The following SFXN3 variants were observed in gnomAD, a reference collection of about 807,000 sequenced individuals.
SFXN3 encodes sideroflexin 3, also known as sideroflexin-3.
In SFXN3, 31 loss-of-function variants were observed where a neutral mutation model predicts 40.4. That is an observed-to-expected ratio of 0.77 (90% CI 0.58 to 1.04). The LOEUF is 1.04. Among genes scored for constraint, SFXN3 ranks in the 50% least tolerant of loss-of-function variants. SFXN3 has a pLI of 0.00. For missense variants in SFXN3, 366 were observed against 408.2 expected (o/e 0.90, Z 0.89); for synonymous variants, 157 against 160.0 (o/e 0.98, Z 0.14).
chr10:101,033,687 C>T (rs1433545543), intron 2 of SFXN3, among the ~76,000 whole-genome samples: 2 of 152,106 alleles, frequency 1.3e-5, no homozygotes, highest in African/African-American at 2.4e-5. Flanking sequence ...GCACCGGCAC[C>T]GGTCTCTGAG....
At chr10:101,038,038 G>A (rs973086142) in intron 9 of SFXN3, 16 of 257,198 alleles carry the variant, frequency 6.2e-5, no homozygotes, top group Non-Finnish European at 1.0e-4. Context: ...AGCAATGGGG[G>A]TAGTGTAATT....
At chr10:101,032,780 G>A (rs1938361818) in intron 2 of SFXN3, among the ~76,000 whole-genome samples, 1 of 152,198 alleles carries the variant, frequency 6.6e-6, no homozygotes, top group Non-Finnish European at 1.5e-5. Context: ...TAGTGTCTTT[G>A]TGTGTGGGTA....
At chr10:101,034,238 C>T (rs1310078962) in intron 2 of SFXN3, among the ~76,000 whole-genome samples, 1 of 152,188 alleles carries the variant, frequency 6.6e-6, no homozygotes, top group Non-Finnish European at 1.5e-5. Flanking sequence ...TGGCTTTCCG[C>T]AGTTAATTGT....
chr10:101,036,574 C>T lies in SFXN3; in HGVS notation c.507+13C>T, dbSNP rs938054955. Reference sequence around the variant, plus strand: ...ATCCCTCACCAAGGTAAAGGCCCCTCACTCCCCTGACCACCCCATTCATCC... The same window carrying T: ...ATCCCTCACCAAGGTAAAGGCCCCTTACTCCCCTGACCACCCCATTCATCC... On this transcript the variant is annotated intron_variant, in intron 6 of 11. Coordinates refer to ENST00000393459, the Ensembl canonical transcript of SFXN3. The surrounding 1 kb of genome is among the most constrained non-coding windows in gnomAD (Gnocchi z 4.2). 3.1e-6 allele frequency: 5 copies of T among 1,613,954 alleles called. No individual in the cohort carries two copies. Among genetic ancestry groups the T allele is most frequent in the Non-Finnish European group, 3.4e-6 (4 of 1,179,966 alleles).
At chr10:101,038,302 T>G in intron 9 of SFXN3, 1 of 1,232,332 alleles carries the variant, frequency 8.1e-7, no homozygotes, top group Non-Finnish European at 1.0e-6. Flanking sequence ...GCCACTGGGA[T>G]GGGAAGAGGT....
At position 101,039,107 on chromosome 10, in the gene SFXN3, T is replaced by G. The variant is rs1938767380; in HGVS notation, c.822-68T>G. On this transcript the variant is annotated intron_variant, in intron 10 of 11. Transcript: ENST00000393459. This position sits in a 1 kb window ranked among gnomAD's most constrained non-coding sequence, Gnocchi z 4.6. Reference sequence around the variant, plus strand: ...CTAGGGCCTATCTCCAAGGATGGGGTGGGGTGCAGGGAGGGAACACCCTAA... The same window carrying G: ...CTAGGGCCTATCTCCAAGGATGGGGGGGGGTGCAGGGAGGGAACACCCTAA... 9 of 1,352,998 alleles carry G rather than the reference T, an allele frequency of 6.7e-6. No homozygotes were observed. In the Admixed American group the frequency reaches 1.5e-4, roughly 23 times the overall value. 83.8% of individuals were successfully genotyped at this position (1,352,998 alleles called of 1,614,324 possible). A position where few individuals can be genotyped will look rare whatever the true frequency, so the allele number is the denominator to read the frequency against.
At chr10:101,034,889 G>C in intron 3 of SFXN3, 34 bp downstream of exon 3, 1 of 1,598,564 alleles carries the variant, frequency 6.3e-7, no homozygotes, top group South Asian at 1.1e-5. Flanking sequence ...TGTGTGCCAG[G>C]ATCTCATTTT....
chr10:101,035,856 G>C (rs1038123243), intron 4 of SFXN3, 147 bp from the exon 5 acceptor site: 27 of 1,063,618 alleles, frequency 2.5e-5, no homozygotes, highest in Non-Finnish European at 3.8e-5. Context: ...ATGGGGGTGG[G>C]GGTACATAGG....
chr10:101,035,932 G>C (rs1435057043), intron 4 of SFXN3, 71 bp from the exon 5 acceptor site: 2 of 1,425,428 alleles, frequency 1.4e-6, no homozygotes, highest in Non-Finnish European at 2.0e-6. Flanking sequence ...ATAACCTTTG[G>C]TTTCATTACA....
chr10:101,032,474 A>C lies in SFXN3; in HGVS notation c.-12A>C. 1.3e-6 allele frequency: 2 copies of C among 1,550,554 alleles called. No individual in the cohort carries two copies. Among genetic ancestry groups the C allele is most frequent in the Middle Eastern group, 1.7e-4 (1 of 5,966 alleles). ...GCGGTTCTGAGAGCTTCAGAGAGCG[A>C]TGGAAAGCGTAAGTGCTCGCTCTCC... On this transcript the variant is annotated 5_prime_UTR_variant, in exon 2 of 12. An upstream start codon of the reference 5' UTR is lost. Coordinates refer to ENST00000393459, the Ensembl canonical transcript of SFXN3.
chr10:101,034,832 T>C, exon 3 of SFXN3: 2 of 1,614,162 alleles, frequency 1.2e-6, no homozygotes, highest in Non-Finnish European at 1.7e-6. Flanking sequence ...TGGAAGCTTC[T>C]CGGAACATCG....
At chr10:101,033,510 A>C (rs537751273) in intron 2 of SFXN3, among the ~76,000 whole-genome samples, 154 of 152,124 alleles carry the variant, frequency 1.0e-3, no homozygotes, top group Non-Finnish European at 1.9e-3. Flanking sequence ...GCTCCTCCCC[A>C]CACCCTTGCT....
chr10:101,038,184 C>T, intron 9 of SFXN3: 1 of 732,200 alleles, frequency 1.4e-6, no homozygotes, highest in Non-Finnish European at 1.8e-6. Context: ...AAGGGCACTG[C>T]AGTAGGAGGG....
chr10:101,031,267 C>T (rs1364542777), exon 1 of SFXN3: 2 of 152,362 alleles, frequency 1.3e-5, no homozygotes, highest in Admixed American at 6.5e-5. Flanking sequence ...CAGGGACAGC[C>T]GAGCGTTACC....
intron 3 of SFXN3, among the ~76,000 whole-genome samples, chr10:101,035,242 T>C (rs896587894): frequency 2.0e-5 from 3 of 152,244 alleles, no homozygotes; most frequent in African/African-American, 7.2e-5. Context: ...GAAACCACCA[T>C]CATCCCTGAC....
Position 101,036,420 on chromosome 10 carries a change from C to T in SFXN3, c.432-66C>T. ...TCATGTATTGAGGACTTGGCATATCCCTAAAGGAAAGGGCCACCTGCTGGA... is the reference window on the plus strand; with the variant it reads ...TCATGTATTGAGGACTTGGCATATCTCTAAAGGAAAGGGCCACCTGCTGGA... On this transcript the variant is annotated intron_variant, in intron 5 of 11. Coordinates refer to ENST00000393459, the Ensembl canonical transcript of SFXN3. The surrounding 1 kb of genome is among the most constrained non-coding windows in gnomAD (Gnocchi z 4.2). 6.7e-7 allele frequency: 1 copy of T among 1,496,776 alleles called. No individual in the cohort carries two copies. Among genetic ancestry groups the T allele is most frequent in the East Asian group, 2.3e-5 (1 of 44,092 alleles). 92.7% of individuals were successfully genotyped at this position (1,496,776 alleles called of 1,614,324 possible).
At chr10:101,037,053 A>G (rs898653455) in intron 7 of SFXN3, 23 bp from the exon 8 acceptor site, 2 of 1,612,392 alleles carry the variant, frequency 1.2e-6, no homozygotes, top group African/African-American at 1.3e-5. Context: ...CTGTGATCTG[A>G]CCCCAACCCC....
intron 9 of SFXN3, chr10:101,038,437 G>A: frequency 6.9e-7 from 1 of 1,440,530 alleles, no homozygotes; most frequent in Admixed American, 2.6e-5. Flanking sequence ...GGGATGCCGG[G>A]GAGGGTGATC....
chr10:101,034,780 C>T (rs1296706665), exon 3 of SFXN3: 7 of 1,614,020 alleles, frequency 4.3e-6, no homozygotes, highest in Non-Finnish European at 5.9e-6. Flanking sequence ...CACTTTTTCA[C>T]TGTTACTGAT....
Sources: gnomAD v4.1 joint callset for allele counts (sites outside exome capture counted in the v4.1 genomes callset) on GRCh38, gnomAD v4.1.1 for gene constraint, Gnocchi (gnomAD v3.1) non-coding constraint, MANE v1.5 for transcripts, NCBI Gene and HGNC (gene_info 2026-07-23, HGNC 2026-07-21) for gene names.